The following MAP2K4 variants were observed in gnomAD, a reference collection of about 807,000 sequenced individuals.
MAP2K4 encodes dual specificity mitogen-activated protein kinase kinase 4.
In MAP2K4, 4 loss-of-function variants were observed where a neutral mutation model predicts 48.5. The observed-to-expected ratio is 0.08, with a 90% CI of 0.04 to 0.19. The LOEUF is 0.19. Among genes scored for constraint, MAP2K4 ranks in the 10% least tolerant of loss-of-function variants. The pLI is 1.00. For missense variants in MAP2K4, 258 were observed against 493.3 expected, an observed-to-expected ratio of 0.52 and a Z score of 4.52; for synonymous variants, 166 against 173.1, an observed-to-expected ratio of 0.96 and a Z score of 0.32.
At chr17:12,100,265 T>A (rs570763071) in intron 4 of MAP2K4, among the ~76,000 whole-genome samples, 3 of 152,318 alleles carry the variant, frequency 2.0e-5, no homozygotes, top group African/African-American at 7.2e-5. Flanking sequence ...CTGACCTGCT[T>A]TATGCCATTA....
At chr17:12,118,834 C>T (rs1308505874) in intron 7 of MAP2K4, among the ~76,000 whole-genome samples, 1 of 152,142 alleles carries the variant, frequency 6.6e-6, no homozygotes, top group African/African-American at 2.4e-5. Context: ...CACAGTCATG[C>T]CTGCTTGGCA....
chr17:12,025,055 A>G (rs1212814007), intron 1 of MAP2K4, among the ~76,000 whole-genome samples: 1 of 152,276 alleles, frequency 6.6e-6, no homozygotes, highest in African/African-American at 2.4e-5. Flanking sequence ...GAAATTGCAT[A>G]GGCAGGATGA....
intron 1 of MAP2K4, among the ~76,000 whole-genome samples, chr17:12,042,167 C>CAAAAAAA (rs71142262): frequency 1.8e-5 from 1 of 55,380 alleles, no homozygotes; most frequent in African/African-American, 6.9e-5. Flanking sequence ...AACTTTGTCT[C>CAAAAAAA]AAAAAAAAAA....
At chr17:12,113,488 C>T in intron 7 of MAP2K4, 128 bp downstream of exon 7, 2 of 1,116,716 alleles carry the variant, frequency 1.8e-6, no homozygotes, top group Non-Finnish European at 2.5e-6. Flanking sequence ...CCCTAAGGCC[C>T]AAGCTCAGGT....
chr17:12,118,727 G>A (rs1597486328), intron 7 of MAP2K4, among the ~76,000 whole-genome samples: 1 of 152,232 alleles, frequency 6.6e-6, no homozygotes, highest in Non-Finnish European at 1.5e-5. Context: ...GCTAGCAGCA[G>A]TGAACAGAGG....
At chr17:12,136,717 A>G (rs772643935) in intron 9 of MAP2K4, among the ~76,000 whole-genome samples, 3 of 152,228 alleles carry the variant, frequency 2.0e-5, no homozygotes, top group Non-Finnish European at 4.4e-5. Context: ...CCCAAATAGC[A>G]TCATAAGTTT....
chr17:12,071,198 A>C (rs1260029558), intron 2 of MAP2K4, among the ~76,000 whole-genome samples: 1 of 152,178 alleles, frequency 6.6e-6, no homozygotes, highest in African/African-American at 2.4e-5. Flanking sequence ...ATCCGTAAAG[A>C]TAGGTTACTT....
intron 1 of MAP2K4, among the ~76,000 whole-genome samples, chr17:12,022,829 G>A (rs888973574): frequency 1.6e-4 from 24 of 152,178 alleles, no homozygotes; most frequent in Non-Finnish European, 3.4e-4. Context: ...AGGGCAGTCC[G>A]CTTGATAAGA....
At chr17:12,075,108 A>G (rs1382865085) in intron 2 of MAP2K4, among the ~76,000 whole-genome samples, 1 of 152,244 alleles carries the variant, frequency 6.6e-6, no homozygotes, top group African/African-American at 2.4e-5. Flanking sequence ...TCTCCAAACA[A>G]GATATCTTGC....
chr17:12,065,091 G>C (rs547285820), intron 2 of MAP2K4, among the ~76,000 whole-genome samples: 1 of 152,056 alleles, frequency 6.6e-6, no homozygotes, highest in Non-Finnish European at 1.5e-5. Context: ...AATTTTCTGA[G>C]GTGATGGAAT....
At chr17:12,088,432 A>C (rs527272981) in intron 3 of MAP2K4, among the ~76,000 whole-genome samples, 1 of 117,964 alleles carries the variant, frequency 8.5e-6, no homozygotes, top group Admixed American at 1.2e-4. Context: ...TATATATAAT[A>C]TATTACATAT....
At chr17:12,030,080 C>T (rs1175245843) in intron 1 of MAP2K4, among the ~76,000 whole-genome samples, 2 of 152,042 alleles carry the variant, frequency 1.3e-5, no homozygotes, top group African/African-American at 2.4e-5. Context: ...TTGCTTGTCC[C>T]CTTTGCCCAT....
chr17:12,061,314 C>T (rs1970443051), intron 2 of MAP2K4, among the ~76,000 whole-genome samples: 1 of 152,142 alleles, frequency 6.6e-6, no homozygotes, highest in Admixed American at 6.5e-5. Context: ...GATCATTGTA[C>T]TTCTTAATGT....
At chr17:12,025,156 C>T (rs943484630) in intron 1 of MAP2K4, among the ~76,000 whole-genome samples, 1 of 152,174 alleles carries the variant, frequency 6.6e-6, no homozygotes, top group Admixed American at 6.5e-5. Context: ...GTAAAGAGCA[C>T]TGGACTTAGA....
At chr17:12,062,347 C>CT (rs980075031) in intron 2 of MAP2K4, among the ~76,000 whole-genome samples, 2 of 151,942 alleles carry the variant, frequency 1.3e-5, no homozygotes, top group African/African-American at 2.4e-5. Context: ...ATGCCTTTGT[C>CT]TTTTTTCAGA....
intron 9 of MAP2K4, among the ~76,000 whole-genome samples, chr17:12,135,572 CAG>C (rs1973179293): frequency 6.6e-6 from 1 of 151,454 alleles, no homozygotes; most frequent in South Asian, 2.1e-4. Context: ...TTATTTAGGA[CAG>C]AGTCTGGCTC....
At chr17:12,095,153 G>A (rs548654895) in intron 3 of MAP2K4, among the ~76,000 whole-genome samples, 1 of 152,268 alleles carries the variant, frequency 6.6e-6, no homozygotes, top group East Asian at 1.9e-4. Flanking sequence ...GGATGTTCTT[G>A]CATTGAATGC....
At chr17:12,085,237 C>T (rs1217914117) in intron 3 of MAP2K4, among the ~76,000 whole-genome samples, 1 of 152,046 alleles carries the variant, frequency 6.6e-6, no homozygotes, top group Non-Finnish European at 1.5e-5. Context: ...GTACCTGTCA[C>T]TAAAGATGAT....
chr17:12,135,391 C>G (rs1456150381), intron 9 of MAP2K4, among the ~76,000 whole-genome samples: 2 of 152,006 alleles, frequency 1.3e-5, no homozygotes, highest in African/African-American at 2.4e-5. Flanking sequence ...GCCCACCTGG[C>G]TAATTTCTTA....
Sources: allele counts gnomAD v4.1 joint callset (sites outside exome capture counted in the v4.1 genomes callset), GRCh38; gene constraint gnomAD v4.1.1; transcripts MANE v1.5; gene names NCBI Gene and HGNC (gene_info 2026-07-23, HGNC 2026-07-21).